The following PTK2 variants were observed in gnomAD, a reference collection of about 807,000 sequenced individuals.
PTK2 encodes focal adhesion kinase 1.
PTK2 carries 45 observed loss-of-function variants against 150.1 expected under a neutral mutation model. The observed-to-expected ratio is 0.30, with a 90% CI of 0.24 to 0.38. The LOEUF (loss-of-function observed/expected upper bound fraction) is 0.38. Among genes scored for constraint, PTK2 ranks in the 10% least tolerant of loss-of-function variants. PTK2 has a pLI of 1.00. For missense variants in PTK2, 919 were observed against 1,307.3 expected (o/e 0.70, Z 4.58); for synonymous variants, 432 against 449.2 (o/e 0.96, Z 0.48).
intron 8 of PTK2, among the ~76,000 whole-genome samples, chr8:140,824,503 C>T (rs1280923157): frequency 2.6e-5 from 4 of 152,190 alleles, no homozygotes; most frequent in East Asian, 1.9e-4. Flanking sequence ...AAACTGTTGG[C>T]GCCTTTGGCA....
intron 30 of PTK2, 73 bp from the exon 35 acceptor site, chr8:140,665,070 T>G: frequency 7.4e-7 from 1 of 1,354,226 alleles, no homozygotes; most frequent in Non-Finnish European, 1.0e-6. Context: ...TATATATTTT[T>G]TTATTTCCTT....
chr8:140,801,777 A>G (rs563708967), intron 11 of PTK2, among the ~76,000 whole-genome samples: 77 of 152,344 alleles, frequency 5.1e-4, no homozygotes, highest in African/African-American at 1.8e-3. Context: ...CTCAGTTTAC[A>G]GTATATATAG....
chr8:140,881,610 A>T (rs1165368756), intron 3 of PTK2, among the ~76,000 whole-genome samples: 1 of 152,220 alleles, frequency 6.6e-6, no homozygotes, highest in Non-Finnish European at 1.5e-5. Context: ...GCCTCAGGTC[A>T]CTTGGTCTAC....
chr8:140,731,872 T>C (rs1484523767), intron 22 of PTK2, among the ~76,000 whole-genome samples: 1 of 152,084 alleles, frequency 6.6e-6, no homozygotes, highest in African/African-American at 2.4e-5. Context: ...CACCGCACTC[T>C]AGCCTGGGCA....
intron 2 of PTK2, among the ~76,000 whole-genome samples, chr8:140,896,795 GGGGGGT>G (rs1287640053): frequency 3.1e-4 from 39 of 126,544 alleles, no homozygotes; most frequent in Non-Finnish European, 5.2e-4. Context: ...AAACGGGGGG[GGGGGGT>G]GGGTAAAACA....
At chr8:140,871,133 C>A (rs1223527546) in intron 4 of PTK2, among the ~76,000 whole-genome samples, 2 of 152,142 alleles carry the variant, frequency 1.3e-5, no homozygotes. Context: ...ATTTTGAAGT[C>A]TAAACTATTT....
chr8:140,937,341 CT>C (rs2154608723), intron 1 of PTK2, among the ~76,000 whole-genome samples: 1 of 151,940 alleles, frequency 6.6e-6, no homozygotes, highest in Non-Finnish European at 1.5e-5. Context: ...ATTTCCACAC[CT>C]GATTTTTCTG....
chr8:140,695,364 A>G (rs1441959191), intron 26 of PTK2, among the ~76,000 whole-genome samples: 1 of 150,232 alleles, frequency 6.7e-6, no homozygotes, highest in Non-Finnish European at 1.5e-5. Flanking sequence ...TGCATTTCCT[A>G]TCTTGCCTTC....
intron 1 of PTK2, among the ~76,000 whole-genome samples, chr8:140,980,339 C>G (rs527755845): frequency 2.0e-5 from 3 of 152,142 alleles, no homozygotes; most frequent in African/African-American, 7.2e-5. Flanking sequence ...AAAGTTCGGC[C>G]GGGCACGGTG....
chr8:140,905,835 A>C (rs1260008818), intron 2 of PTK2, among the ~76,000 whole-genome samples: 1 of 152,206 alleles, frequency 6.6e-6, no homozygotes, highest in African/African-American at 2.4e-5. Flanking sequence ...ACCACAGTGC[A>C]ATCAAATTGG....
intron 17 of PTK2, 99 bp downstream of exon 20, chr8:140,752,133 T>C: frequency 9.5e-7 from 1 of 1,050,498 alleles, no homozygotes; most frequent in South Asian, 1.4e-5. Flanking sequence ...AGTTGTCTCC[T>C]AAAAGTCAAA....
In PTK2 at chr8:140,684,344, C is replaced by T. The variant is rs139913906; in HGVS notation, c.2562+2288G>A. On this transcript the variant is annotated intron_variant, in intron 27 of 31. Coordinates refer to ENST00000522684, the Ensembl canonical transcript of PTK2. Reference sequence around the variant, plus strand: ...GTTCACAATAGGGTTCACATGCCTACGAGAATCTAATGCTGCCACTGATCT... The same window carrying T: ...GTTCACAATAGGGTTCACATGCCTATGAGAATCTAATGCTGCCACTGATCT... 1.9e-3 allele frequency among the ~76,000 whole-genome samples: 290 copies of T among 152,306 alleles called. 1 individual carries two copies. Among genetic ancestry groups the T allele is most frequent in the African/African-American group, 6.6e-3 (276 of 41,576 alleles).
intron 1 of PTK2, among the ~76,000 whole-genome samples, chr8:140,999,194 C>T (rs886211057): frequency 5.9e-5 from 9 of 152,200 alleles, no homozygotes; most frequent in Non-Finnish European, 1.3e-4. Context: ...TAACCAATGA[C>T]TTGCTTCTTG....
intron 14 of PTK2, among the ~76,000 whole-genome samples, chr8:140,779,245 GAAAAAAAAAA>G (rs140826832): frequency 0.23 from 25,283 of 111,952 alleles, 2,602 homozygotes; most frequent in East Asian, 0.57. Context: ...CTGGGCGATG[GAAAAAAAAAA>G]AAAAGAAAAA....
At chr8:140,980,418 C>G (rs538091632) in intron 1 of PTK2, among the ~76,000 whole-genome samples, 2 of 152,108 alleles carry the variant, frequency 1.3e-5, no homozygotes, top group African/African-American at 2.4e-5. Flanking sequence ...GTCAGGAGAT[C>G]GAGACCATCC....
At chr8:140,788,638 C>T (rs1595676794) in intron 14 of PTK2, among the ~76,000 whole-genome samples, 1 of 152,110 alleles carries the variant, frequency 6.6e-6, no homozygotes, top group Non-Finnish European at 1.5e-5. Flanking sequence ...GAGCTGAGAT[C>T]GCGCCACTGC....
At position 140,801,841 on chromosome 8, in the gene PTK2, T is replaced by C. The variant is rs1202850573; in HGVS notation, c.976-1265A>G. On this transcript the variant is annotated intron_variant, in intron 11 of 31. Coordinates refer to ENST00000522684, the Ensembl canonical transcript of PTK2. ...CAATGATGGTCCGCATATACAATGG[T>C]GGTTCCATAAGATTTATATAATAGA... 3.9e-5 allele frequency among the ~76,000 whole-genome samples: 6 copies of C among 152,122 alleles called. No homozygotes were observed. In the East Asian group the frequency reaches 1.2e-3, roughly 29 times the overall value.
At chr8:140,708,357 T>C (rs1465759732) in intron 23 of PTK2, among the ~76,000 whole-genome samples, 1 of 152,196 alleles carries the variant, frequency 6.6e-6, no homozygotes, top group East Asian at 1.9e-4. Context: ...CTTCCATCTG[T>C]AGTATACTTC....
intron 26 of PTK2, among the ~76,000 whole-genome samples, chr8:140,692,123 C>T (rs1304639432): frequency 1.3e-5 from 2 of 152,012 alleles, no homozygotes; most frequent in Non-Finnish European, 2.9e-5. Flanking sequence ...GCATAATTCC[C>T]TAATGTGGTA....
Sources: allele counts gnomAD v4.1 joint callset (sites outside exome capture counted in the v4.1 genomes callset), GRCh38; gene constraint gnomAD v4.1.1; transcripts MANE v1.5; gene names NCBI Gene and HGNC (gene_info 2026-07-23, HGNC 2026-07-21).